Variants in MTCL1 observed in about 807,000 individuals in gnomAD.
MTCL1 encodes microtubule crosslinking factor 1.
MTCL1 carries 79 observed loss-of-function variants against 141.4 expected under a neutral mutation model. The observed-to-expected ratio is 0.56, with a 90% CI of 0.47 to 0.67. MTCL1 has a LOEUF of 0.67. Among genes scored for constraint, MTCL1 ranks in the 30% least tolerant of loss-of-function variants. The pLI, the probability that MTCL1 is intolerant of heterozygous loss-of-function variation, is 0.00. For missense variants in MTCL1, 2,177 were observed against 2,113.9 expected (o/e 1.03, Z -0.59); for synonymous variants, 914 against 875.8 (o/e 1.04, Z -0.77).
In MTCL1 at chr18:8,771,968, T is replaced by A. The variant is rs9951315; in HGVS notation, c.358-5865T>A. Among the ~76,000 whole-genome samples the A allele has an allele frequency of 8.7e-3, 1,321 of 152,322 alleles. 26 individuals are homozygous for A. Among genetic ancestry groups the A allele is most frequent in the African/African-American group, 0.03 (1,265 of 41,574 alleles). On this transcript the variant is annotated intron_variant, in intron 4 of 16. Transcript: ENST00000359865. ...TGGCTCTCTGAGGCATCCAGAGGAA[T>A]AAACTGGGCATGACTAATGTACACG...
Position 8,831,397 on chromosome 18 carries a change from C to A in MTCL1, c.*19-210C>A, listed in dbSNP as rs535938466. On this transcript the variant is annotated intron_variant, in intron 16 of 16. Coordinates refer to ENST00000359865, the Ensembl canonical transcript of MTCL1. The stretch of plus-strand genomic sequence containing the variant: ...ATTGCTGTGTTTAATCATAATTGGT[C>A]TCTTCCCATTCATGTCACTGATCAT... 2.1e-5 allele frequency: 29 copies of A among 1,398,350 alleles called. No individual in the cohort carries two copies. The South Asian group carries it at 4.1e-4, about 20-fold the overall frequency. The allele number at this position is 1,398,350 out of a possible 1,614,324, so 86.6% of individuals were successfully genotyped here.
chr18:8,777,709 T>G (rs1215356026), intron 4 of MTCL1, 124 bp from the exon 4 acceptor site: 2 of 775,544 alleles, frequency 2.6e-6, no homozygotes, highest in East Asian at 2.5e-5. Context: ...AAGTTGTTTC[T>G]TGATTCTGGT....
chr18:8,744,401 G>T (rs1032818691), intron 4 of MTCL1, among the ~76,000 whole-genome samples: 1 of 152,136 alleles, frequency 6.6e-6, no homozygotes, highest in African/African-American at 2.4e-5. Flanking sequence ...TGTAGCTTCT[G>T]ACTTCCTTCT....
chr18:8,780,852 T>C (rs1171036227), intron 5 of MTCL1, among the ~76,000 whole-genome samples: 2 of 152,168 alleles, frequency 1.3e-5, no homozygotes, highest in Non-Finnish European at 2.9e-5. Context: ...TACTAGGTAC[T>C]TAATAAATAT....
At chr18:8,790,587 G>C (rs1401425983) in intron 7 of MTCL1, among the ~76,000 whole-genome samples, 1 of 152,208 alleles carries the variant, frequency 6.6e-6, no homozygotes, top group Non-Finnish European at 1.5e-5. Flanking sequence ...CGCTTTAGAT[G>C]ATGCCTAGCA....
At chr18:8,805,287 T>C (rs2076259884) in intron 10 of MTCL1, among the ~76,000 whole-genome samples, 1 of 152,104 alleles carries the variant, frequency 6.6e-6, no homozygotes, top group Admixed American at 6.5e-5. Context: ...GAATACCCAG[T>C]GTCTGTTGTT....
At chr18:8,825,026 GCACTGCCAGAAGCAGCCACTGCGGAGC>G in exon 15 of MTCL1, 1 of 1,613,122 alleles carries the variant, frequency 6.2e-7, no homozygotes, top group South Asian at 1.1e-5. Flanking sequence ...CCAGCCCAGA[GCACTGCCAGAAGCAGCCACTGCGGAGC>G]CACGTCCTCA....
intron 4 of MTCL1, among the ~76,000 whole-genome samples, chr18:8,765,636 G>A (rs114869033): frequency 0.011 from 1,701 of 152,274 alleles, 41 homozygotes; most frequent in African/African-American, 0.039. Context: ...GCAGCTACTC[G>A]GGCAAGCCAC....
chr18:8,756,439 A>G (rs773053654), intron 4 of MTCL1, among the ~76,000 whole-genome samples: 50 of 136,844 alleles, frequency 3.7e-4, no homozygotes, highest in African/African-American at 1.3e-3. Flanking sequence ...ATATATGTAT[A>G]TATGTGTATA....
intron 4 of MTCL1, among the ~76,000 whole-genome samples, chr18:8,753,262 T>A (rs776258406): frequency 1.3e-5 from 2 of 152,254 alleles, no homozygotes; most frequent in African/African-American, 2.4e-5. Context: ...CTAATCCAGT[T>A]GTTTACCTAT....
At chr18:8,721,561 A>G (rs1271260037) in intron 4 of MTCL1, among the ~76,000 whole-genome samples, 1 of 152,052 alleles carries the variant, frequency 6.6e-6, no homozygotes, top group African/African-American at 2.4e-5. Context: ...CCTCGCTGGA[A>G]TGTTCTTTCT....
intron 15 of MTCL1, among the ~76,000 whole-genome samples, chr18:8,826,932 C>T (rs2077045749): frequency 6.6e-6 from 1 of 152,224 alleles, no homozygotes; most frequent in African/African-American, 2.4e-5. Context: ...TGTTTTTGTA[C>T]ACCACTTTAC....
intron 10 of MTCL1, among the ~76,000 whole-genome samples, chr18:8,805,118 T>TATATATATAG (rs1324998390): frequency 6.6e-6 from 1 of 150,974 alleles, no homozygotes; most frequent in African/African-American, 2.4e-5. Flanking sequence ...TATATATATA[T>TATATATATAG]AGAATTTTAG....
intron 10 of MTCL1, chr18:8,802,221 G>T (rs902390703): frequency 5.3e-5 from 8 of 152,204 alleles, no homozygotes; most frequent in Non-Finnish European, 8.8e-5. Flanking sequence ...CGTGCCTTGT[G>T]GGGGTCTGGG....
chr18:8,809,704 G>A (rs769686732), intron 11 of MTCL1: 106 of 1,308,822 alleles, frequency 8.1e-5, no homozygotes, highest in Non-Finnish European at 1.0e-4. Context: ...CACCTCGCAC[G>A]GCTGTCAGGT....
intron 1 of MTCL1, among the ~76,000 whole-genome samples, chr18:8,708,409 T>C (rs1186363476): frequency 1.3e-5 from 2 of 150,426 alleles, no homozygotes; most frequent in Admixed American, 1.3e-4. Flanking sequence ...TGATACAGTG[T>C]ATTTGCTATT....
chr18:8,733,386 C>G (rs142605512), intron 4 of MTCL1, among the ~76,000 whole-genome samples: 3 of 152,200 alleles, frequency 2.0e-5, no homozygotes, highest in African/African-American at 4.8e-5. Context: ...CTGTCTGTAT[C>G]TGTGTCGGCC....
In MTCL1 at chr18:8,830,539, C is replaced by T; in HGVS notation, c.*19-1068C>T. ...TCTGTCCTTCCCCCGCTGCTGCTCC[C>T]CTGCACCACTGGCTGGGCTGTCCTC... On this transcript the variant is annotated intron_variant, in intron 16 of 16. Coordinates refer to ENST00000359865, the Ensembl canonical transcript of MTCL1. The surrounding 1 kb of genome is among the most constrained non-coding windows in gnomAD (Gnocchi z 6.4). The T allele has an allele frequency of 1.0e-5, 10 of 986,394 alleles. No individual in the cohort carries two copies. Among genetic ancestry groups the T allele is most frequent in the Non-Finnish European group, 1.2e-5 (10 of 830,644 alleles). 61.1% of individuals were successfully genotyped at this position (986,394 alleles called of 1,614,324 possible). A position where few individuals can be genotyped will look rare whatever the true frequency, so the allele number is the denominator to read the frequency against.
intron 4 of MTCL1, among the ~76,000 whole-genome samples, chr18:8,774,572 C>G (rs1034497741): frequency 5.9e-5 from 9 of 152,262 alleles, no homozygotes; most frequent in Non-Finnish European, 1.5e-5. Flanking sequence ...AGTGCAACCT[C>G]CACCTCCCGG....
Sources: allele counts gnomAD v4.1 joint callset (sites outside exome capture counted in the v4.1 genomes callset), GRCh38; gene constraint gnomAD v4.1.1; non-coding constraint Gnocchi (gnomAD v3.1); transcripts MANE v1.5; gene names NCBI Gene and HGNC (gene_info 2026-07-23, HGNC 2026-07-21).